Variants in NAV2 observed in about 807,000 individuals in gnomAD.
The protein encoded by NAV2 is neuron navigator 2.
Under a neutral mutation model 223.2 loss-of-function variants are expected in NAV2, and 54 were observed. That is an observed-to-expected ratio of 0.24 (90% confidence interval 0.19 to 0.30). The LOEUF (loss-of-function observed/expected upper bound fraction) is 0.30, where lower values mean the gene tolerates loss of function less well. NAV2 is among the 10% of genes least tolerant of loss of function. The probability of loss-of-function intolerance (pLI) is 1.00; values close to 1 mark genes in which losing one functional copy is unlikely to be tolerated. For synonymous variants in NAV2, 1,279 were observed against 1,239.3 expected, an observed-to-expected ratio of 1.03 and a Z score of -0.67; for missense variants, 2,806 against 3,147.5, an observed-to-expected ratio of 0.89 and a Z score of 2.60.
chr11:19,527,150 C>T (rs1037012558), intron 1 of NAV2, among the ~76,000 whole-genome samples: 1 of 152,026 alleles, frequency 6.6e-6, no homozygotes, highest in Admixed American at 6.6e-5. Flanking sequence ...TGGGAGGGAC[C>T]TTGTGGGAGA....
intron 1 of NAV2, among the ~76,000 whole-genome samples, chr11:19,738,016 T>C (rs950541055): frequency 6.6e-6 from 1 of 152,264 alleles, no homozygotes; most frequent in Admixed American, 6.5e-5. Context: ...TTTGAGAAGA[T>C]GTGAGTGTAT....
chr11:19,575,068 C>T (rs2045534908), intron 1 of NAV2, among the ~76,000 whole-genome samples: 1 of 152,214 alleles, frequency 6.6e-6, no homozygotes, highest in South Asian at 2.1e-4. Flanking sequence ...AGCAATCAGC[C>T]TGCATCTTCA....
At position 20,054,162 on chromosome 11, in the gene NAV2, A is replaced by G. The variant is rs562617167; in HGVS notation, c.4564A>G (p.Thr1522Ala). Residue 1522 changes from threonine (T) to alanine (A), a missense_variant, in exon 18 of 38, where the codon ACC (threonine) becomes GCC (alanine). By Grantham distance (58) the Thr-to-Ala change is moderately conservative (BLOSUM62 0). Transcript: ENST00000349880. Reference sequence around the variant, plus strand: ...CCATTCTGCAGGAGGCCTTCAGGACACCGCTGCCAATTCCCCCTTTTCCTC... The same window carrying G: ...CCATTCTGCAGGAGGCCTTCAGGACGCCGCTGCCAATTCCCCCTTTTCCTC... ...RSHSAGGLQD[T>A]AANSPFSSGS... 3.1e-6 allele frequency: 5 copies of G among 1,613,818 alleles called. No individual in the cohort carries two copies. The African/African-American group carries it at 4.0e-5, about 13-fold the overall frequency.
intron 1 of NAV2, among the ~76,000 whole-genome samples, chr11:19,376,041 C>G (rs916363232): frequency 6.6e-6 from 1 of 152,088 alleles, no homozygotes; most frequent in African/African-American, 2.4e-5. Flanking sequence ...TTAAAGGTAG[C>G]CTTCATTAAT....
chr11:19,945,909 G>T (rs576221543), intron 8 of NAV2, among the ~76,000 whole-genome samples: 4 of 152,254 alleles, frequency 2.6e-5, no homozygotes, highest in Non-Finnish European at 4.4e-5. Flanking sequence ...CAAGGAAGAA[G>T]GCAACCTTTC....
intron 1 of NAV2, among the ~76,000 whole-genome samples, chr11:19,393,520 A>G (rs764553958): frequency 1.3e-5 from 2 of 152,248 alleles, no homozygotes; most frequent in Non-Finnish European, 2.9e-5. Context: ...CTTATAAAAT[A>G]TGAGCTATAT....
intron 1 of NAV2, among the ~76,000 whole-genome samples, chr11:19,650,194 A>G (rs1464687481): frequency 1.3e-5 from 2 of 152,230 alleles, no homozygotes; most frequent in Non-Finnish European, 2.9e-5. Flanking sequence ...GTTGGGCCGT[A>G]ATCCAATATG....
intron 1 of NAV2, among the ~76,000 whole-genome samples, chr11:19,449,234 T>C (rs940564087): frequency 6.6e-6 from 1 of 151,954 alleles, no homozygotes; most frequent in African/African-American, 2.4e-5. Flanking sequence ...CACAGTGATA[T>C]AAGTGATGTA....
At chr11:19,521,111 TG>T (rs550647342) in intron 1 of NAV2, among the ~76,000 whole-genome samples, 9 of 152,302 alleles carry the variant, frequency 5.9e-5, no homozygotes, top group Middle Eastern at 3.4e-3. Flanking sequence ...TGATGGGCCT[TG>T]GAACCCAAAC....
At chr11:19,870,790 T>C (rs2062433337) in intron 4 of NAV2, among the ~76,000 whole-genome samples, 1 of 152,144 alleles carries the variant, frequency 6.6e-6, no homozygotes, top group African/African-American at 2.4e-5. Context: ...CCCTGAAGCA[T>C]GTAGCTAGAG....
chr11:19,873,074 G>A (rs1038484030), intron 4 of NAV2, among the ~76,000 whole-genome samples: 2 of 152,318 alleles, frequency 1.3e-5, no homozygotes, highest in Admixed American at 6.5e-5. Context: ...CCTGGGGTTT[G>A]TGCTATCTGG....
At chr11:19,684,268 G>A (rs753319015) in intron 1 of NAV2, among the ~76,000 whole-genome samples, 5 of 152,164 alleles carry the variant, frequency 3.3e-5, no homozygotes, top group Admixed American at 2.6e-4. Flanking sequence ...AGGTCTACAT[G>A]CTGGACTTCA....
chr11:19,892,294 A>C, intron 5 of NAV2, 140 bp from the exon 6 acceptor site: 2 of 749,112 alleles, frequency 2.7e-6, no homozygotes, highest in Non-Finnish European at 4.0e-6. Context: ...TAATGGTTCC[A>C]CCAAATTCTG....
At chr11:19,900,262 TCACTGGAGGAATA>T (rs2042333973) in intron 6 of NAV2, among the ~76,000 whole-genome samples, 2 of 152,120 alleles carry the variant, frequency 1.3e-5, no homozygotes, top group Non-Finnish European at 2.9e-5. Flanking sequence ...ACTTCACAGA[TCACTGGAGGAATA>T]AACAAGAAGT....
intron 37 of NAV2, among the ~76,000 whole-genome samples, chr11:20,115,182 A>G (rs2062952640): frequency 1.3e-5 from 2 of 152,130 alleles, no homozygotes; most frequent in South Asian, 4.1e-4. Context: ...CAGAAGCCCA[A>G]GGCAAATGAT....
At chr11:20,049,598 G>A (rs1180338668) in intron 15 of NAV2, among the ~76,000 whole-genome samples, 1 of 151,828 alleles carries the variant, frequency 6.6e-6, no homozygotes, top group Non-Finnish European at 1.5e-5. Context: ...AGACAGCTGG[G>A]TAGGTTTGTT....
chr11:19,635,787 C>A (rs2047481067), intron 1 of NAV2, among the ~76,000 whole-genome samples: 1 of 152,198 alleles, frequency 6.6e-6, no homozygotes, highest in Admixed American at 6.5e-5. Context: ...TCCCACTAGA[C>A]CCTATCTCCC....
rs1176225465 is a variant in NAV2, at chr11:19,712,948, C to A, written c.-748C>A. Among the ~76,000 whole-genome samples, 3 of 152,014 alleles carry A rather than the reference C, an allele frequency of 2.0e-5. No individual in the cohort carries two copies. The highest frequency in any genetic ancestry group is 1.3e-4 in the Admixed American group (2 of 15,270). The stretch of plus-strand genomic sequence containing the variant: ...CCAGCCGCGCGTCCCGGCGCCCGCG[C>A]CCCACGGCCACAGCCTTGCCTCTAT... On this transcript the variant is annotated 5_prime_UTR_variant, in exon 1 of 38. Transcript: ENST00000349880.
chr11:19,865,745 C>G (rs1361163420), intron 3 of NAV2, among the ~76,000 whole-genome samples: 1 of 151,996 alleles, frequency 6.6e-6, no homozygotes, highest in Non-Finnish European at 1.5e-5. Context: ...GGAGTGCAGA[C>G]CAGCCATCTG....
Sources: allele counts gnomAD v4.1 joint callset (sites outside exome capture counted in the v4.1 genomes callset), GRCh38; gene constraint gnomAD v4.1.1; transcripts MANE v1.5; gene names NCBI Gene and HGNC (gene_info 2026-07-23, HGNC 2026-07-21).